SEC16A: variants seen among roughly 807,000 people sequenced by gnomAD.
The protein encoded by SEC16A is protein transport protein Sec16A.
SEC16A carries 110 observed loss-of-function variants against 221.9 expected under a neutral mutation model. That is an observed-to-expected ratio of 0.50 (90% CI 0.42 to 0.58). SEC16A has a LOEUF of 0.58. Among genes scored for constraint, SEC16A ranks in the 20% least tolerant of loss-of-function variants. The pLI is 0.00. For synonymous variants in SEC16A, 1,393 were observed against 1,257.7 expected (o/e 1.11, Z -2.28); for missense variants, 3,165 against 3,097.8 (o/e 1.02, Z -0.52).
chr9:136,466,028 T>C lies in SEC16A; in HGVS notation c.4237A>G (p.Ser1413Gly). 1 of 1,613,606 alleles carries C rather than the reference T, an allele frequency of 6.2e-7. No individual in the cohort carries two copies. The highest frequency in any genetic ancestry group is 8.5e-7 in the Non-Finnish European group (1 of 1,179,842). ...FAYGTYRSNF[S>G]SGPGFPEYGY... is the part of the protein sequence containing the mutation. ...TACTCTGGGAAGCCGGGGCCACTGC[T>C]GAAATTGCTGCGGTAGGTGCCGTAG... Residue 1413 changes from serine to glycine, a missense_variant, in exon 8 of 32, where the codon AGC becomes GGC. This residue lies in a region of SEC16A where 2,030 missense variants were observed against 1,923.1 expected (regional missense o/e 1.06). Transcript: ENST00000684901. The surrounding 1 kb of genome is among the most constrained non-coding windows in gnomAD (Gnocchi z 5.5).
intron 31 of SEC16A, among the ~76,000 whole-genome samples, chr9:136,443,223 C>T (rs113339580): frequency 8.2e-6 from 1 of 122,002 alleles, no homozygotes; most frequent in Non-Finnish European, 1.8e-5. Context: ...CGGAGGGCCT[C>T]GTGTCGACAG....
At chr9:136,454,484 C>T (rs1475401462) in intron 20 of SEC16A, among the ~76,000 whole-genome samples, 157 bp from the exon 21 acceptor site, 2 of 152,240 alleles carry the variant, frequency 1.3e-5, no homozygotes, top group Admixed American at 1.3e-4. Context: ...GAAGCCACCA[C>T]CCCACCGCAC....
At position 136,466,472 on chromosome 9, in the gene SEC16A, G is replaced by A; in HGVS notation, c.3930-10C>T. On this transcript the variant is annotated splice_polypyrimidine_tract_variant and intron_variant, in intron 6 of 31. Coordinates refer to ENST00000684901, the MANE Select transcript of SEC16A (RefSeq NM_014866.2). This position sits in a 1 kb window ranked among gnomAD's most constrained non-coding sequence, Gnocchi z 5.5. ...GTCACGTTTCTCGGGCCTAGAGGAA[G>A]CCGGGGGACAGAGGCAGAGGAATGG... The A allele has an allele frequency of 6.3e-7, 1 of 1,592,828 alleles. No individual in the cohort carries two copies. Among genetic ancestry groups the A allele is most frequent in the Non-Finnish European group, 8.6e-7 (1 of 1,168,056 alleles).
chr9:136,447,376 A>AG lies in SEC16A; in HGVS notation c.6560-13dup. ...AGCTCTGGTTCCTGCTGCAAAGGGG[A>AG]GGGAAGCAAATTGAGGTGAACGCGC... On this transcript the variant is annotated splice_polypyrimidine_tract_variant and intron_variant, in intron 26 of 31. Coordinates refer to ENST00000684901, the MANE Select transcript of SEC16A (RefSeq NM_014866.2). This position sits in a 1 kb window ranked among gnomAD's most constrained non-coding sequence, Gnocchi z 5.5. 6.3e-7 allele frequency: 1 copy of AG among 1,597,154 alleles called. No homozygotes were observed. Among genetic ancestry groups the AG allele is most frequent in the Non-Finnish European group, 8.5e-7 (1 of 1,172,292 alleles).
At chr9:136,470,661 G>A (rs1373641820) in intron 4 of SEC16A, among the ~76,000 whole-genome samples, 1 of 152,156 alleles carries the variant, frequency 6.6e-6, no homozygotes, top group African/African-American at 2.4e-5. Flanking sequence ...GCTGCACACC[G>A]CCCAGTGCAT....
At position 136,474,359 on chromosome 9, in the gene SEC16A, C is replaced by T. The variant is rs1280474720; in HGVS notation, c.3257G>A (p.Ser1086Asn). Residue 1086 changes from serine (S) to asparagine (N), a missense_variant, in exon 3 of 32, where the codon AGT becomes AAT. By Grantham distance (46) the Ser-to-Asn change is conservative. Around this residue, in one of 3 missense-constraint regions of SEC16A, gnomAD observed 2,030 missense variants for 1,923.1 expected, o/e 1.06. Coordinates refer to ENST00000684901, the MANE Select transcript of SEC16A (RefSeq NM_014866.2). ...AMFSELSNPE[S>N]LPAQGQAQNS... ...CTGGGCCTGTCCCTGTGCGGGCAGA[C>T]TTTCTGGATTTGACAGCTCCGAAAA... 6.2e-7 allele frequency: 1 copy of T among 1,612,604 alleles called. No individual in the cohort carries two copies. Among genetic ancestry groups the T allele is most frequent in the Non-Finnish European group, 8.5e-7 (1 of 1,179,850 alleles).
chr9:136,481,135 T>TTC (rs1842283552), intron 1 of SEC16A, among the ~76,000 whole-genome samples: 1 of 136,552 alleles, frequency 7.3e-6, no homozygotes, highest in Non-Finnish European at 1.6e-5. Flanking sequence ...TATTCTTTTT[T>TTC]TTTTTTTTTT....
chr9:136,455,732 C>T lies in SEC16A; in HGVS notation c.5726G>A (p.Ser1909Asn), dbSNP rs767862150. Residue 1909 changes from serine to asparagine, a missense_variant, in exon 20 of 32, where the codon AGT (serine) becomes AAT (asparagine). Ser to Asn is a conservative substitution (Grantham distance 46). Coordinates refer to ENST00000684901, the MANE Select transcript of SEC16A (RefSeq NM_014866.2). Reference sequence around the variant, plus strand: ...CCTGTCCAACTGCTCCATCTCGGAACTCGGAGTGCCAGGACACTGCTGCGG... The same window carrying T: ...CCTGTCCAACTGCTCCATCTCGGAATTCGGAGTGCCAGGACACTGCTGCGG... ...ALPQQCPGTP[S>N]SEMEQLDRPG... 99 of 1,597,804 alleles carry T rather than the reference C, an allele frequency of 6.2e-5. No homozygotes were observed. Among genetic ancestry groups the T allele is most frequent in the Non-Finnish European group, 7.8e-5 (92 of 1,172,680 alleles).
Position 136,482,606 on chromosome 9 carries a change from G to A in SEC16A, c.-192+332C>T, listed in dbSNP as rs762694000. On this transcript the variant is annotated intron_variant, in intron 1 of 31. Transcript: ENST00000684901. ...CTTCTAGCCGGTGAGGACAAGACAC[G>A]CTCATTTGAAAAGTTAAGAGTCTTA... Among the ~76,000 whole-genome samples the A allele has an allele frequency of 2.0e-5, 3 of 152,380 alleles. No individual in the cohort carries two copies. In the East Asian group the frequency reaches 5.8e-4, roughly 29 times the overall value.
chr9:136,463,277 C>T, intron 11 of SEC16A, 145 bp from the exon 12 acceptor site: 1 of 1,301,586 alleles, frequency 7.7e-7, no homozygotes, highest in Non-Finnish European at 1.1e-6. Flanking sequence ...GAAACCTCAT[C>T]CCATCCCAAC....
In SEC16A at chr9:136,457,428, G is replaced by T. The variant is rs766285183; in HGVS notation, c.5550+16C>A. 83 of 1,592,782 alleles carry T rather than the reference G, an allele frequency of 5.2e-5. No individual in the cohort carries two copies. In the South Asian group the frequency reaches 7.8e-4, roughly 15 times the overall value. ...AGTCAGCACAGCATCCCGAGGACAG[G>T]CGCCAGGGGCAGCACCTGCACAAGC... On this transcript the variant is annotated intron_variant, in intron 18 of 31. Transcript: ENST00000684901.
chr9:136,443,674 C>G, intron 31 of SEC16A, 149 bp downstream of exon 31: 1 of 579,892 alleles, frequency 1.7e-6, no homozygotes, highest in Non-Finnish European at 3.0e-6. Context: ...GGCAACAGAG[C>G]AAGACCCTGT....
Position 136,443,963 on chromosome 9 carries a change from G to A in SEC16A, c.6928-63C>T. On this transcript the variant is annotated intron_variant, in intron 30 of 31. Coordinates refer to ENST00000684901, the MANE Select transcript of SEC16A (RefSeq NM_014866.2). ...CTGCACAGCAGCTGTCACTTCAAGT[G>A]CAGATACAGACACCGCTTCTGGGTG... The A allele has an allele frequency of 8.4e-6, 10 of 1,196,410 alleles. No individual in the cohort carries two copies. The South Asian group carries it at 1.4e-4, about 17-fold the overall frequency. The allele number at this position is 1,196,410 out of a possible 1,614,324, so 74.1% of individuals were successfully genotyped here. A position where few individuals can be genotyped will look rare whatever the true frequency, so the allele number is the denominator to read the frequency against.
In SEC16A at chr9:136,462,913, C is replaced by G. The variant is rs1350194375; in HGVS notation, c.4867G>C (p.Glu1623Gln). The G allele has an allele frequency of 6.2e-7, 1 of 1,602,312 alleles. No homozygotes were observed. The highest frequency in any genetic ancestry group is 1.1e-5 in the South Asian group (1 of 91,076). The change falls in exon 12 of 32, where the codon GAG becomes CAG. Residue 1623 changes from glutamate (E) to glutamine (Q), a missense_variant. Coordinates refer to ENST00000684901, the MANE Select transcript of SEC16A (RefSeq NM_014866.2). ...TTCTTACGGCCATACAGCAACAGCT[C>G]CCTGAACCTCTCGGTCTCTCTCTCG... ...SLERETERFR[E>Q]LLLYGRKKDA...
At chr9:136,483,453 G>GCCACCT, upstream of SEC16A, 1 of 414,916 alleles carries the variant, frequency 2.4e-6, no homozygotes, top group African/African-American at 6.0e-5. Flanking sequence ...CCCGCCCCTC[G>GCCACCT]GCCGTCCTTC....
Position 136,476,478 on chromosome 9 carries a change from C to T in SEC16A, c.1138G>A (p.Glu380Lys), listed in dbSNP as rs1261775621. The T allele has an allele frequency of 3.1e-6, 5 of 1,613,202 alleles. No homozygotes were observed. The highest frequency in any genetic ancestry group is 2.2e-5 in the East Asian group (1 of 44,878). ...GAGAGATTCTCCTCATTTTCTGTCTCTCCCCCTTGGAAAAACATCGCCAGA... is the reference window on the plus strand; with the variant it reads ...GAGAGATTCTCCTCATTTTCTGTCTTTCCCCCTTGGAAAAACATCGCCAGA... ...GALAMFFQGG[E>K]TENEENLSSE... Residue 380 changes from glutamate to lysine, a missense_variant, in exon 3 of 32, where the codon GAG (glutamate) becomes AAG (lysine). Around this residue, in one of 3 missense-constraint regions of SEC16A, gnomAD observed 2,030 missense variants for 1,923.1 expected, o/e 1.06. Coordinates refer to ENST00000684901, the MANE Select transcript of SEC16A (RefSeq NM_014866.2).
At chr9:136,445,926 G>A (rs1388132967) in intron 28 of SEC16A, among the ~76,000 whole-genome samples, 1 of 152,160 alleles carries the variant, frequency 6.6e-6, no homozygotes, top group Non-Finnish European at 1.5e-5. Context: ...CTCTCTACCA[G>A]GTGCCTGTGT....
In SEC16A at chr9:136,476,816, G is replaced by T; in HGVS notation, c.800C>A (p.Pro267His). 6.2e-7 allele frequency: 1 copy of T among 1,612,118 alleles called. No individual in the cohort carries two copies. The change falls in exon 3 of 32, where the codon CCT becomes CAT. Residue 267 changes from proline to histidine, a missense_variant. Physicochemically the swap from Pro to His is moderately conservative, Grantham distance 77. Coordinates refer to ENST00000684901, the MANE Select transcript of SEC16A (RefSeq NM_014866.2). ...CAAGGCTGCTGGGGGAGCCACCAGA[G>T]GGCTGTGTTGCTCATGACCAGGGCC... ...HQGPGHEQHSPLVAPPAALPS... is the reference protein window; with the variant it reads ...HQGPGHEQHSHLVAPPAALPS...
chr9:136,463,233 C>T, intron 11 of SEC16A, 101 bp from the exon 12 acceptor site: 1 of 1,483,450 alleles, frequency 6.7e-7, no homozygotes, highest in Non-Finnish European at 9.1e-7. Flanking sequence ...ACAGCCAGAC[C>T]CACAACTACC....
Sources: allele counts gnomAD v4.1 joint callset (sites outside exome capture counted in the v4.1 genomes callset), GRCh38; gene constraint gnomAD v4.1.1; regional missense constraint gnomAD v4.1.1; non-coding constraint Gnocchi (gnomAD v3.1); transcripts MANE v1.5; gene names NCBI Gene and HGNC (gene_info 2026-07-23, HGNC 2026-07-21).